PIGT: variants seen among roughly 807,000 people sequenced by gnomAD.
PIGT encodes phosphatidylinositol glycan anchor biosynthesis class T, also known as GPI-anchor transamidase component PIGT.
A neutral mutation model predicts 66.7 loss-of-function variants in PIGT; 57 were observed. The ratio of observed to expected loss-of-function variants is 0.86; its 90% CI spans 0.69 to 1.07. The LOEUF is 1.07. PIGT is among the 50% of genes least tolerant of loss of function. The probability of loss-of-function intolerance (pLI) is 0.00; values close to 1 mark genes in which losing one functional copy is unlikely to be tolerated. For missense variants in PIGT, 725 were observed against 740.4 expected, an observed-to-expected ratio of 0.98 and a Z score of 0.24; for synonymous variants, 362 against 320.5, an observed-to-expected ratio of 1.13 and a Z score of -1.38.
chr20:45,418,675 A>G, intron 2 of PIGT, 177 bp from the exon 3 acceptor site: 1 of 673,698 alleles, frequency 1.5e-6, no homozygotes, highest in East Asian at 2.9e-5. Context: ...GCTGAGTAGG[A>G]TGAGACCCAG....
In PIGT at chr20:45,416,605, C is replaced by T; in HGVS notation, c.276C>T (p.Gly92=). The T allele has an allele frequency of 1.2e-6, 2 of 1,614,202 alleles. No individual in the cohort carries two copies. The highest frequency in any genetic ancestry group is 1.7e-6 in the Non-Finnish European group (2 of 1,180,018). Residue 92 remains glycine (G), a synonymous_variant, in exon 2 of 12, where the codon GGC becomes GGT. Coordinates refer to ENST00000279036, the MANE Select transcript of PIGT (RefSeq NM_015937.6). ...LRELHLSFTQ[G]FWRTRYWGPP... is the part of the protein sequence containing the mutation. ...AGCTGCACCTGTCATTCACACAAGG[C>T]TTTTGGAGGACCCGATACTGGGGGC...
Position 45,425,684 on chromosome 20 carries a change from C to T in PIGT, c.1595C>T (p.Thr532Met), listed in dbSNP as rs1466637488. The change falls in exon 12 of 12, where the codon ACG (threonine) becomes ATG (methionine). Residue 532 changes from threonine (T) to methionine (M), a missense_variant. This residue lies in a region of PIGT where 162 missense variants were observed against 171.1 expected (regional missense o/e 0.95). Coordinates refer to ENST00000279036, the MANE Select transcript of PIGT (RefSeq NM_015937.6). ...FSMPYNVICL[T>M]CTVVAVCYGS... is the part of the protein sequence containing the mutation. ...ATGCCCTACAACGTGATCTGCCTCA[C>T]GTGCACTGTGGTGGCCGTGTGCTAT... 8 of 1,614,040 alleles carry T rather than the reference C, an allele frequency of 5.0e-6. No homozygotes were observed. Among genetic ancestry groups the T allele is most frequent in the South Asian group, 1.1e-5 (1 of 91,082 alleles).
rs1412089292 is a variant in PIGT, at chr20:45,416,806, A to G, written c.365+112A>G. 8 of 932,910 alleles carry G rather than the reference A, an allele frequency of 8.6e-6. No individual in the cohort carries two copies. In the Admixed American group the frequency reaches 1.2e-4, roughly 14 times the overall value. 57.8% of individuals were successfully genotyped at this position (932,910 alleles called of 1,614,324 possible). A position where few individuals can be genotyped will look rare whatever the true frequency, so the allele number is the denominator to read the frequency against. ...AGCACTTCCAGTAGGCAGCGATTCC[A>G]TGGGGGTAGAGCTGGCATTGGAAGT... On this transcript the variant is annotated intron_variant, in intron 2 of 11. Coordinates refer to ENST00000279036, the MANE Select transcript of PIGT (RefSeq NM_015937.6).
At chr20:45,417,070 A>T (rs1189547193) in intron 2 of PIGT, 1 of 167,576 alleles carries the variant, frequency 6.0e-6, no homozygotes, top group Admixed American at 6.3e-5. Flanking sequence ...GGCCAACAGG[A>T]TGCTACATCA....
intron 2 of PIGT, 63 bp downstream of exon 2, chr20:45,416,757 C>T: frequency 2.1e-6 from 3 of 1,436,632 alleles, no homozygotes; most frequent in Non-Finnish European, 2.8e-6. Flanking sequence ...AGAGTGTTGT[C>T]ATCCTGCCAC....
chr20:45,418,542 A>T, intron 2 of PIGT: 1 of 368,460 alleles, frequency 2.7e-6, no homozygotes. Context: ...GGAGGTAAGC[A>T]CTGGAGCCGG....
intron 8 of PIGT, 59 bp from the exon 9 acceptor site, chr20:45,421,324 G>C: frequency 2.1e-6 from 3 of 1,442,586 alleles, no homozygotes; most frequent in Non-Finnish European, 2.8e-6. Flanking sequence ...CTGGGCAGGT[G>C]GGGTGGGGAG....
Position 45,418,925 on chromosome 20 carries a change from TCCA to T in PIGT, c.443_445del (p.Thr148del). On this transcript the variant is annotated inframe_deletion, in exon 3 of 12. Coordinates refer to ENST00000279036, the MANE Select transcript of PIGT (RefSeq NM_015937.6). ...CTGCGCCTCTCTCAACTTCATCGAC[TCCA>T]CCAACACAGTCACTCCCACTGCCTC... The T allele has an allele frequency of 1.2e-6, 2 of 1,614,086 alleles. No homozygotes were observed. Among genetic ancestry groups the T allele is most frequent in the Non-Finnish European group, 1.7e-6 (2 of 1,179,972 alleles).
intron 5 of PIGT, 54 bp downstream of exon 5, chr20:45,419,644 T>C: frequency 8.1e-7 from 1 of 1,235,762 alleles, no homozygotes; most frequent in South Asian, 1.2e-5. Flanking sequence ...AGAAGGTACA[T>C]GTAAAGCATG....
chr20:45,421,270 G>T, intron 8 of PIGT, 113 bp from the exon 9 acceptor site: 2 of 753,438 alleles, frequency 2.7e-6, no homozygotes, highest in Non-Finnish European at 3.9e-6. Context: ...TCAGTGGCAG[G>T]GCTGTTCCCC....
intron 4 of PIGT, 51 bp downstream of exon 4, chr20:45,419,446 G>A (rs772917338): frequency 1.1e-5 from 17 of 1,606,590 alleles, no homozygotes; most frequent in Non-Finnish European, 1.4e-5. Flanking sequence ...TAGAGAACCT[G>A]CGCCCCATGC....
intron 9 of PIGT, chr20:45,423,703 C>CTT (rs3091447): frequency 1.5e-5 from 2 of 130,280 alleles, no homozygotes; most frequent in Non-Finnish European, 3.2e-5. Flanking sequence ...GTGCCCATGC[C>CTT]TTTTTTTTTT....
chr20:45,420,060 C>A, intron 5 of PIGT, 76 bp from the exon 6 acceptor site: 3 of 1,010,798 alleles, frequency 3.0e-6, no homozygotes, highest in Non-Finnish European at 4.6e-6. Flanking sequence ...GGGATTGAGT[C>A]TGAGTAGGAG....
chr20:45,421,676 A>G (rs935405250), intron 9 of PIGT, 93 bp downstream of exon 9: 1 of 1,020,974 alleles, frequency 9.8e-7, no homozygotes, highest in Non-Finnish European at 1.5e-6. Context: ...TAGTTCCTGA[A>G]GTACCTCTGA....
At position 45,426,067 on chromosome 20, in the gene PIGT, A is replaced by G; in HGVS notation, c.*241A>G. ...TGGCCACCTCTATATTGAGGTGCTC[A>G]ATAAGCAAAAGTGGTCGGTGGCTGC... On this transcript the variant is annotated 3_prime_UTR_variant, in exon 12 of 12. Transcript: ENST00000279036. The G allele has an allele frequency of 1.7e-6, 1 of 571,726 alleles. No individual in the cohort carries two copies. The highest frequency in any genetic ancestry group is 3.1e-6 in the Non-Finnish European group (1 of 321,294). The allele number at this position is 571,726 out of a possible 1,614,324, so 35.4% of individuals were successfully genotyped here.
At chr20:45,425,141 C>CTCTTTCTTTCTTTT (rs1990638124) in intron 11 of PIGT, 1 of 79,986 alleles carries the variant, frequency 1.3e-5, no homozygotes, top group Non-Finnish European at 3.0e-5. Context: ...TTCTTTCTTT[C>CTCTTTCTTTCTTTT]TCTTTCTTTC....
At chr20:45,422,362 T>C (rs1441302519) in intron 9 of PIGT, 1 of 152,222 alleles carries the variant, frequency 6.6e-6, no homozygotes, top group African/African-American at 2.4e-5. Context: ...TCTGTTATTA[T>C]TCTTTTAAAT....
At chr20:45,421,627 A>C in intron 9 of PIGT, 44 bp downstream of exon 9, 271 of 1,527,072 alleles carry the variant, frequency 1.8e-4, no homozygotes, top group Non-Finnish European at 2.3e-4. Context: ...CCGCCCTCTC[A>C]TGTCCTCTCC....
At chr20:45,423,921 C>G (rs1990545464) in intron 9 of PIGT, 1 of 391,016 alleles carries the variant, frequency 2.6e-6, no homozygotes, top group African/African-American at 2.0e-5. Flanking sequence ...TGAACTTCTT[C>G]TTGCGTCACA....
Sources: allele counts gnomAD v4.1 joint callset, GRCh38; gene constraint gnomAD v4.1.1; regional missense constraint gnomAD v4.1.1; transcripts MANE v1.5; gene names NCBI Gene and HGNC (gene_info 2026-07-23, HGNC 2026-07-21).